The following ELOVL5 variants were observed in gnomAD, a reference collection of about 807,000 sequenced individuals.
The protein encoded by ELOVL5 is ELOVL fatty acid elongase 5.
A neutral mutation model predicts 38.6 loss-of-function variants in ELOVL5; 8 were observed. That is an observed-to-expected ratio of 0.21 (90% CI 0.12 to 0.37). The LOEUF (loss-of-function observed/expected upper bound fraction) is 0.37, where lower values mean the gene tolerates loss of function less well. ELOVL5 is among the 10% of genes least tolerant of loss of function. The probability of loss-of-function intolerance (pLI) is 1.00; values close to 1 mark genes in which losing one functional copy is unlikely to be tolerated. For synonymous variants in ELOVL5, 127 were observed against 133.7 expected, an observed-to-expected ratio of 0.95 and a Z score of 0.34; for missense variants, 280 against 367.8, an observed-to-expected ratio of 0.76 and a Z score of 1.95.
intron 1 of ELOVL5, among the ~76,000 whole-genome samples, chr6:53,336,766 T>G (rs1437316260): frequency 1.3e-5 from 2 of 152,232 alleles, no homozygotes; most frequent in Non-Finnish European, 2.9e-5. Context: ...CATTGGTATA[T>G]TCTACCTGAA....
chr6:53,326,270 T>G (rs143740577), intron 1 of ELOVL5, among the ~76,000 whole-genome samples: 1 of 152,162 alleles, frequency 6.6e-6, no homozygotes, highest in Non-Finnish European at 1.5e-5. Flanking sequence ...CATTCTTGCC[T>G]CCTTCTATCC....
chr6:53,308,566 GT>G (rs1430078650), intron 1 of ELOVL5, among the ~76,000 whole-genome samples: 7 of 152,112 alleles, frequency 4.6e-5, no homozygotes, highest in Non-Finnish European at 1.5e-5. Context: ...TTAAAATCAG[GT>G]TTTTGGGATC....
At chr6:53,291,529 C>T (rs550320155) in intron 3 of ELOVL5, among the ~76,000 whole-genome samples, 8 of 152,200 alleles carry the variant, frequency 5.3e-5, no homozygotes, top group Non-Finnish European at 7.4e-5. Flanking sequence ...GAATATCATA[C>T]GAAACATAAT....
At chr6:53,310,348 C>T (rs780127701) in intron 1 of ELOVL5, among the ~76,000 whole-genome samples, 8 of 152,064 alleles carry the variant, frequency 5.3e-5, no homozygotes, top group South Asian at 4.1e-4. Context: ...ATTTTCTAGA[C>T]GAGGAAACTA....
intron 1 of ELOVL5, among the ~76,000 whole-genome samples, chr6:53,296,945 T>A (rs1767025494): frequency 6.6e-6 from 1 of 152,250 alleles, no homozygotes; most frequent in Non-Finnish European, 1.5e-5. Context: ...TAAGATAAAC[T>A]ACTTTATCCA....
At chr6:53,278,532 C>G (rs552243608) in intron 3 of ELOVL5, among the ~76,000 whole-genome samples, 1 of 152,268 alleles carries the variant, frequency 6.6e-6, no homozygotes, top group Non-Finnish European at 1.5e-5. Context: ...TGCCCTCTCC[C>G]CACCCATAAA....
At chr6:53,287,268 A>C (rs1766607582) in intron 3 of ELOVL5, among the ~76,000 whole-genome samples, 1 of 152,240 alleles carries the variant, frequency 6.6e-6, no homozygotes, top group Admixed American at 6.5e-5. Flanking sequence ...TACTCAAAAA[A>C]TAATCTTGTC....
intron 6 of ELOVL5, among the ~76,000 whole-genome samples, chr6:53,271,094 C>A (rs1765901558): frequency 6.6e-6 from 1 of 152,168 alleles, no homozygotes; most frequent in African/African-American, 2.4e-5. Context: ...GGCTGGACAT[C>A]CTTCCAACTC....
At chr6:53,315,907 C>T (rs1689605043) in intron 1 of ELOVL5, among the ~76,000 whole-genome samples, 2 of 152,148 alleles carry the variant, frequency 1.3e-5, no homozygotes, top group African/African-American at 2.4e-5. Flanking sequence ...CTGTAATATG[C>T]ATAATTTCAG....
intron 1 of ELOVL5, among the ~76,000 whole-genome samples, chr6:53,299,509 G>T (rs1367498199): frequency 6.6e-6 from 1 of 152,194 alleles, no homozygotes; most frequent in African/African-American, 2.4e-5. Context: ...CAAATGCCTA[G>T]GACATAGTCC....
intron 6 of ELOVL5, among the ~76,000 whole-genome samples, chr6:53,272,871 A>G (rs1765975650): frequency 6.6e-6 from 1 of 152,154 alleles, no homozygotes; most frequent in South Asian, 2.1e-4. Context: ...CTGGAAACAT[A>G]CAATTTTCAT....
At chr6:53,333,703 T>C (rs1253779370) in intron 1 of ELOVL5, among the ~76,000 whole-genome samples, 2 of 152,240 alleles carry the variant, frequency 1.3e-5, no homozygotes, top group Non-Finnish European at 2.9e-5. Context: ...TTTAACCTTA[T>C]TTCCCTTTCT....
At chr6:53,321,439 A>G (rs1291897387) in intron 1 of ELOVL5, among the ~76,000 whole-genome samples, 5 of 152,232 alleles carry the variant, frequency 3.3e-5, no homozygotes, top group African/African-American at 1.2e-4. Context: ...TAATGTTTCC[A>G]AGTTTTCACT....
intron 1 of ELOVL5, among the ~76,000 whole-genome samples, chr6:53,302,187 G>A (rs1767283529): frequency 6.6e-6 from 1 of 152,198 alleles, no homozygotes. Context: ...AGAGAGTCCT[G>A]CTCATGTGGA....
Position 53,336,485 on chromosome 6 carries a change from C to A in ELOVL5, c.-9+12332G>T, listed in dbSNP as rs1406031459. ...GACCAGCCTGGGCAACACGGTGAAA[C>A]CTTGTCTCTACCAAAAATATAAAAA... On this transcript the variant is annotated intron_variant, in intron 1 of 7. Transcript: ENST00000304434. Among the ~76,000 whole-genome samples, 8 of 152,292 alleles carry A rather than the reference C, an allele frequency of 5.3e-5. No individual in the cohort carries two copies. The East Asian group carries it at 1.5e-3, about 29-fold the overall frequency.
intron 1 of ELOVL5, among the ~76,000 whole-genome samples, chr6:53,321,762 C>CA (rs1768312471): frequency 6.6e-6 from 1 of 152,158 alleles, no homozygotes; most frequent in Non-Finnish European, 1.5e-5. Context: ...GAAATTCCAA[C>CA]AGCTGAATAA....
At chr6:53,272,417 G>GC (rs1561861575) in intron 6 of ELOVL5, among the ~76,000 whole-genome samples, 3 of 152,108 alleles carry the variant, frequency 2.0e-5, no homozygotes, top group Non-Finnish European at 4.4e-5. Context: ...GATTACAGGC[G>GC]TGAGCCACTG....
At chr6:53,308,884 G>A (rs919129178) in intron 1 of ELOVL5, among the ~76,000 whole-genome samples, 25 of 119,428 alleles carry the variant, frequency 2.1e-4, no homozygotes, top group Non-Finnish European at 4.0e-4. Flanking sequence ...GGGATGCGCA[G>A]GTGGGGCGGG....
intron 1 of ELOVL5, among the ~76,000 whole-genome samples, chr6:53,311,622 C>T (rs1458443811): frequency 2.0e-5 from 3 of 152,134 alleles, no homozygotes; most frequent in African/African-American, 7.2e-5. Context: ...AAATGTTGTA[C>T]ATTCATACAA....
Sources: allele counts gnomAD v4.1 joint callset (sites outside exome capture counted in the v4.1 genomes callset), GRCh38; gene constraint gnomAD v4.1.1; transcripts MANE v1.5; gene names NCBI Gene and HGNC (gene_info 2026-07-23, HGNC 2026-07-21).